RPA1: variants seen among roughly 807,000 people sequenced by gnomAD.
The protein encoded by RPA1 is replication protein A 70 kDa DNA-binding subunit.
Under a neutral mutation model 83.0 loss-of-function variants are expected in RPA1, and 49 were observed. That is an observed-to-expected ratio of 0.59 (90% CI 0.47 to 0.75). The LOEUF is 0.75. RPA1 is among the 30% of genes least tolerant of loss of function. The pLI, the probability that RPA1 is intolerant of heterozygous loss-of-function variation, is 0.00. For synonymous variants in RPA1, 279 were observed against 281.8 expected (o/e 0.99, Z 0.10); for missense variants, 693 against 776.1 (o/e 0.89, Z 1.27).
chr17:1,833,198 C>T (rs1165450693), intron 1 of RPA1, among the ~76,000 whole-genome samples: 2 of 152,168 alleles, frequency 1.3e-5, no homozygotes, highest in Non-Finnish European at 2.9e-5. Context: ...ATGCTGGGAT[C>T]ACAGGCTTGA....
intron 13 of RPA1, among the ~76,000 whole-genome samples, chr17:1,888,108 G>A (rs1186823097): frequency 1.3e-5 from 2 of 152,184 alleles, no homozygotes; most frequent in African/African-American, 4.8e-5. Context: ...TTGCAGCAGA[G>A]ACTGTGACCA....
At chr17:1,839,436 C>T (rs1025962014) in intron 1 of RPA1, among the ~76,000 whole-genome samples, 2 of 151,836 alleles carry the variant, frequency 1.3e-5, no homozygotes, top group African/African-American at 4.8e-5. Context: ...AGCGATTCTC[C>T]TACCTCAGCC....
rs757746590 is a variant in RPA1, at chr17:1,891,959, T to C, written c.1659+19T>C. On this transcript the variant is annotated intron_variant, in intron 15 of 16. Coordinates refer to ENST00000254719, the MANE Select transcript of RPA1 (RefSeq NM_002945.5). ...AGACAAGGTCAGCCACATATTTTATTATAACTTCTATAACTTTTAATGGTT... is the reference window on the plus strand; with the variant it reads ...AGACAAGGTCAGCCACATATTTTATCATAACTTCTATAACTTTTAATGGTT... 6.7e-7 allele frequency: 1 copy of C among 1,502,176 alleles called. No individual in the cohort carries two copies. The highest frequency in any genetic ancestry group is 9.2e-7 in the Non-Finnish European group (1 of 1,091,592). The allele number at this position is 1,502,176 out of a possible 1,614,324, so 93.1% of individuals were successfully genotyped here. A position where few individuals can be genotyped will look rare whatever the true frequency, so the allele number is the denominator to read the frequency against.
In RPA1 at chr17:1,840,030, C is replaced by T. The variant is rs138129922; in HGVS notation, c.34-2773C>T. On this transcript the variant is annotated intron_variant, in intron 1 of 16. Transcript: ENST00000254719. ...TTGGTCTCGAACTCCTGACCTCAAG[C>T]GATCCTCCTGTCTCAGCCTCCCAAA... Among the ~76,000 whole-genome samples the T allele has an allele frequency of 4.1e-3, 617 of 151,774 alleles. 6 individuals carry two copies. The highest frequency in any genetic ancestry group is 0.014 in the African/African-American group (584 of 41,378).
chr17:1,840,321 G>C (rs935683890), intron 1 of RPA1, among the ~76,000 whole-genome samples: 1 of 151,624 alleles, frequency 6.6e-6, no homozygotes, highest in Admixed American at 6.6e-5. Flanking sequence ...GATTCTTTCT[G>C]TGCTGCCCAG....
intron 8 of RPA1, 29 bp from the exon 9 acceptor site, chr17:1,878,964 A>G (rs753200155): frequency 6.2e-7 from 1 of 1,613,576 alleles, no homozygotes; most frequent in Non-Finnish European, 8.5e-7. Context: ...TCAATCCCGC[A>G]GCCCTAACCT....
chr17:1,845,411 C>T (rs981014584), intron 4 of RPA1, among the ~76,000 whole-genome samples: 9 of 151,928 alleles, frequency 5.9e-5, no homozygotes, highest in South Asian at 2.1e-4. Flanking sequence ...GCGGCACACG[C>T]TACAGTCCTA....
At chr17:1,878,082 T>A (rs1297633368) in intron 8 of RPA1, among the ~76,000 whole-genome samples, 1 of 151,978 alleles carries the variant, frequency 6.6e-6, no homozygotes, top group Non-Finnish European at 1.5e-5. Flanking sequence ...AATACAAAAA[T>A]TAGCTGGGTA....
chr17:1,896,952 C>T, intron 16 of RPA1, 119 bp from the exon 17 acceptor site: 1 of 799,878 alleles, frequency 1.3e-6, no homozygotes, highest in South Asian at 1.5e-5. Flanking sequence ...AATGACTGAA[C>T]TCTGAACCCG....
intron 6 of RPA1, among the ~76,000 whole-genome samples, chr17:1,874,536 A>C (rs1247361722): frequency 6.6e-6 from 1 of 152,228 alleles, no homozygotes; most frequent in East Asian, 1.9e-4. Context: ...AATGTTCCCT[A>C]AACTATGTAG....
rs1424643092 is a variant in RPA1, at chr17:1,891,899, C to T, written c.1618C>T (p.Leu540Phe). The T allele has an allele frequency of 2.5e-6, 4 of 1,609,012 alleles. No homozygotes were observed. The South Asian group carries it at 3.3e-5, about 13-fold the overall frequency. The change falls in exon 15 of 17, where the codon CTT (leucine) becomes TTT (phenylalanine). Residue 540 changes from leucine to phenylalanine, a missense_variant. Physicochemically the swap from Leu to Phe is conservative, Grantham distance 22. Coordinates refer to ENST00000254719, the MANE Select transcript of RPA1 (RefSeq NM_002945.5). ...TCFQESAEAI[L>F]GQNAAYLGEL... ...TTTCCAGGAGTCTGCTGAAGCTATC[C>T]TTGGACAAAATGCTGCTTATCTTGG...
At chr17:1,852,256 AAAAT>A (rs1341822037) in intron 4 of RPA1, among the ~76,000 whole-genome samples, 2 of 152,228 alleles carry the variant, frequency 1.3e-5, no homozygotes, top group Non-Finnish European at 2.9e-5. Flanking sequence ...AGAGAATAAT[AAAAT>A]AATCACTAAT....
At chr17:1,894,863 T>C in intron 15 of RPA1, 146 bp from the exon 16 acceptor site, 3 of 597,480 alleles carry the variant, frequency 5.0e-6, no homozygotes, top group Non-Finnish European at 9.1e-6. Flanking sequence ...AACAGTTTCA[T>C]GTAATGTTAC....
intron 4 of RPA1, among the ~76,000 whole-genome samples, chr17:1,848,001 C>T (rs1337770037): frequency 1.6e-5 from 2 of 128,064 alleles, no homozygotes; most frequent in African/African-American, 2.5e-5. Flanking sequence ...CAGAGCAAGA[C>T]CCCATCTCCA....
At chr17:1,885,246 G>A (rs934971987) in intron 13 of RPA1, among the ~76,000 whole-genome samples, 38 of 152,166 alleles carry the variant, frequency 2.5e-4, no homozygotes, top group African/African-American at 8.9e-4. Flanking sequence ...CCATCGTAAG[G>A]AGCAGCTCCT....
intron 5 of RPA1, among the ~76,000 whole-genome samples, chr17:1,870,765 C>A (rs897605415): frequency 6.6e-6 from 1 of 152,168 alleles, no homozygotes; most frequent in Non-Finnish European, 1.5e-5. Flanking sequence ...TGACCACATC[C>A]TTTTCAACAA....
At chr17:1,858,246 T>G in intron 5 of RPA1, 1 of 1,613,564 alleles carries the variant, frequency 6.2e-7, no homozygotes. Flanking sequence ...ACTTCACAAG[T>G]TCCAAATAAG....
At chr17:1,858,904 ATTT>A (rs1258736709) in intron 5 of RPA1, among the ~76,000 whole-genome samples, 1 of 79,078 alleles carries the variant, frequency 1.3e-5, no homozygotes, top group African/African-American at 4.0e-5. Context: ...TTTTTATTTT[ATTT>A]TTTTTTTTTT....
At chr17:1,867,065 A>G (rs1913201094) in intron 5 of RPA1, among the ~76,000 whole-genome samples, 1 of 152,198 alleles carries the variant, frequency 6.6e-6, no homozygotes, top group African/African-American at 2.4e-5. Flanking sequence ...CTAGATATTA[A>G]TTTTTATTTA....
Sources: gnomAD v4.1 joint callset for allele counts (sites outside exome capture counted in the v4.1 genomes callset) on GRCh38, gnomAD v4.1.1 for gene constraint, MANE v1.5 for transcripts, NCBI Gene and HGNC (gene_info 2026-07-23, HGNC 2026-07-21) for gene names.